IQSEC1: variants seen among roughly 807,000 people sequenced by gnomAD.
IQSEC1 encodes IQ motif and Sec7 domain ArfGEF 1.
A neutral mutation model predicts 91.0 loss-of-function variants in IQSEC1; 31 were observed. That is an observed-to-expected ratio of 0.34 (90% CI 0.26 to 0.46). IQSEC1 has a LOEUF of 0.46. Ranked by LOEUF, IQSEC1 falls within the 20% of genes least tolerant of loss-of-function variation. The pLI, the probability that IQSEC1 is intolerant of heterozygous loss-of-function variation, is 1.00. For missense variants in IQSEC1, 1,388 were observed against 1,575.6 expected, an observed-to-expected ratio of 0.88 and a Z score of 2.02; for synonymous variants, 699 against 662.6, an observed-to-expected ratio of 1.05 and a Z score of -0.84.
chr3:12,926,978 C>G (rs1697200276), intron 3 of IQSEC1, among the ~76,000 whole-genome samples: 2 of 152,164 alleles, frequency 1.3e-5, no homozygotes, highest in Admixed American at 6.5e-5. Context: ...ATGGAAGGAC[C>G]AGGGTTTCAC....
intron 1 of IQSEC1, among the ~76,000 whole-genome samples, chr3:13,173,323 G>A (rs930278624): frequency 2.6e-5 from 4 of 152,148 alleles, no homozygotes; most frequent in Admixed American, 6.5e-5. Flanking sequence ...CACTGGCCTC[G>A]GACCCTCACC....
chr3:13,032,095 C>T (rs1292539082), intron 1 of IQSEC1, among the ~76,000 whole-genome samples: 1 of 152,186 alleles, frequency 6.6e-6, no homozygotes, highest in Non-Finnish European at 1.5e-5. Context: ...GCACACACAC[C>T]TGTGCTCGCA....
chr3:13,183,292 G>A (rs1298663877), intron 1 of IQSEC1, among the ~76,000 whole-genome samples: 1 of 152,026 alleles, frequency 6.6e-6, no homozygotes, highest in African/African-American at 2.4e-5. Flanking sequence ...ATAAAAATAA[G>A]AGAAGAAATC....
chr3:13,060,411 G>C (rs1705025278), intron 1 of IQSEC1, among the ~76,000 whole-genome samples: 2 of 152,192 alleles, frequency 1.3e-5, no homozygotes, highest in African/African-American at 4.8e-5. Flanking sequence ...CCTTACGGCT[G>C]GATCCGGGTT....
intron 2 of IQSEC1, among the ~76,000 whole-genome samples, chr3:13,137,486 A>G (rs1233360570): frequency 1.3e-5 from 2 of 152,234 alleles, no homozygotes; most frequent in Admixed American, 6.5e-5. Context: ...ATGAAACACT[A>G]TATCATCTCA....
At chr3:13,029,703 C>T (rs535059126) in intron 1 of IQSEC1, among the ~76,000 whole-genome samples, 5 of 152,220 alleles carry the variant, frequency 3.3e-5, no homozygotes, top group South Asian at 4.1e-4. Context: ...TGCGCACATG[C>T]GGTGTGAGAT....
At chr3:12,917,939 G>A (rs114771435) in intron 6 of IQSEC1, among the ~76,000 whole-genome samples, 4,634 of 152,286 alleles carry the variant, frequency 0.03, 256 homozygotes, top group African/African-American at 0.1. Context: ...CTCCCGCTGC[G>A]GGACCCACTG....
At chr3:13,242,838 G>A (rs1695042449) in intron 1 of IQSEC1, among the ~76,000 whole-genome samples, 2 of 152,012 alleles carry the variant, frequency 1.3e-5, no homozygotes, top group Admixed American at 6.5e-5. Context: ...TCCCAGTGCT[G>A]GAGCAAAGGG....
intron 1 of IQSEC1, among the ~76,000 whole-genome samples, chr3:13,183,167 CAATA>C (rs550999571): frequency 0.021 from 2,982 of 143,684 alleles, 46 homozygotes; most frequent in Non-Finnish European, 0.026. Context: ...CTGTCCCCAC[CAATA>C]AATAAACAAA....
At chr3:12,963,372 C>T (rs1461497321) in intron 1 of IQSEC1, among the ~76,000 whole-genome samples, 2 of 152,234 alleles carry the variant, frequency 1.3e-5, no homozygotes, top group Non-Finnish European at 2.9e-5. Flanking sequence ...GCAGCTGGGA[C>T]CCCAAGAAGG....
intron 12 of IQSEC1, among the ~76,000 whole-genome samples, chr3:12,903,695 C>T (rs913609796): frequency 5.3e-5 from 8 of 152,200 alleles, no homozygotes; most frequent in South Asian, 4.1e-4. Flanking sequence ...AGGACTTCTC[C>T]GTGGATTTTT....
At chr3:12,911,998 C>G (rs1483473564) in intron 9 of IQSEC1, among the ~76,000 whole-genome samples, 1 of 152,242 alleles carries the variant, frequency 6.6e-6, no homozygotes, top group Non-Finnish European at 1.5e-5. Flanking sequence ...AGTGCCTTCT[C>G]ACAGCCAGGT....
intron 1 of IQSEC1, among the ~76,000 whole-genome samples, chr3:13,072,780 T>C (rs751261285): frequency 2.6e-5 from 4 of 152,256 alleles, no homozygotes; most frequent in African/African-American, 9.6e-5. Context: ...GAAGACCTGC[T>C]GACTAATAGC....
At chr3:13,098,254 C>T (rs1449464874) in intron 2 of IQSEC1, among the ~76,000 whole-genome samples, 1 of 152,208 alleles carries the variant, frequency 6.6e-6, no homozygotes, top group Non-Finnish European at 1.5e-5. Flanking sequence ...GCAGGGGCAG[C>T]CTGGCAATCA....
At chr3:12,927,201 C>T (rs576607627) in intron 3 of IQSEC1, among the ~76,000 whole-genome samples, 5 of 152,346 alleles carry the variant, frequency 3.3e-5, no homozygotes, top group African/African-American at 1.2e-4. Context: ...CTTTGGCCCA[C>T]ACACTGTTAA....
chr3:13,071,167 G>GTTTTTTTTTTT (rs1251040363), intron 1 of IQSEC1, among the ~76,000 whole-genome samples: 4 of 101,876 alleles, frequency 3.9e-5, no homozygotes, highest in African/African-American at 1.6e-4. Flanking sequence ...TTTTTTTTTT[G>GTTTTTTTTTTT]TTTGTTTCTT....
At chr3:13,213,944 C>T (rs181754174) in intron 1 of IQSEC1, among the ~76,000 whole-genome samples, 2 of 152,232 alleles carry the variant, frequency 1.3e-5, no homozygotes, top group Admixed American at 6.5e-5. Context: ...CTGATTCTGC[C>T]GCCCAGAAGT....
chr3:13,266,941 C>T (rs1306020375), intron 1 of IQSEC1, among the ~76,000 whole-genome samples: 1 of 151,812 alleles, frequency 6.6e-6, no homozygotes, highest in East Asian at 1.9e-4. Context: ...CACCCCTGAC[C>T]CCTGGCTGCA....
At chr3:13,204,027 T>C (rs1694294409) in intron 1 of IQSEC1, among the ~76,000 whole-genome samples, 2 of 151,894 alleles carry the variant, frequency 1.3e-5, no homozygotes, top group Non-Finnish European at 2.9e-5. Flanking sequence ...CAGCTCCCCT[T>C]CCCCCCGCCC....
Sources: allele counts gnomAD v4.1 joint callset (sites outside exome capture counted in the v4.1 genomes callset), GRCh38; gene constraint gnomAD v4.1.1; transcripts MANE v1.5; gene names NCBI Gene and HGNC (gene_info 2026-07-23, HGNC 2026-07-21).